Variants in CPNE2 observed in about 807,000 individuals in gnomAD.
CPNE2 encodes the protein copine 2.
CPNE2 carries 42 observed loss-of-function variants against 69.7 expected under a neutral mutation model. That is an observed-to-expected ratio of 0.60 (90% confidence interval 0.47 to 0.78). The LOEUF is 0.78. Ranked by LOEUF, CPNE2 falls within the 30% of genes least tolerant of loss-of-function variation. CPNE2 has a pLI of 0.00. For missense variants in CPNE2, 587 were observed against 732.0 expected (o/e 0.80, Z 2.29); for synonymous variants, 294 against 289.8 (o/e 1.01, Z -0.15).
At chr16:57,134,660 G>A (rs577441667) in intron 12 of CPNE2, 115 bp from the exon 13 acceptor site, 3 of 1,058,288 alleles carry the variant, frequency 2.8e-6, no homozygotes, top group East Asian at 4.8e-5. Context: ...GGAGGGTAGG[G>A]GTGGGGGTTA....
At chr16:57,110,944 G>A in intron 2 of CPNE2, 22 bp downstream of exon 2, 1 of 1,604,350 alleles carries the variant, frequency 6.2e-7, no homozygotes, top group Non-Finnish European at 8.5e-7. Flanking sequence ...CCGTGTGTCT[G>A]CGGTGGGTAA....
intron 12 of CPNE2, among the ~76,000 whole-genome samples, chr16:57,132,650 C>T (rs1369986499): frequency 6.6e-6 from 1 of 152,186 alleles, no homozygotes; most frequent in Non-Finnish European, 1.5e-5. Flanking sequence ...GGCCCCTCAT[C>T]AGCTTCTGTG....
At chr16:57,129,932 C>A (rs2069825860) in intron 12 of CPNE2, among the ~76,000 whole-genome samples, 1 of 152,096 alleles carries the variant, frequency 6.6e-6, no homozygotes, top group African/African-American at 2.4e-5. Context: ...GATGAGATTG[C>A]TAGGGAGACA....
chr16:57,126,420 G>A (rs1432215129), intron 11 of CPNE2, among the ~76,000 whole-genome samples: 5 of 152,148 alleles, frequency 3.3e-5, no homozygotes, highest in African/African-American at 9.7e-5. Flanking sequence ...TAATGGTCTC[G>A]CTTCTATTGG....
At chr16:57,141,930 T>C (rs772586395) in intron 14 of CPNE2, 16 of 152,230 alleles carry the variant, frequency 1.1e-4, no homozygotes, top group Admixed American at 1.3e-4. Flanking sequence ...CCTGATGCTT[T>C]TGTCAGCCGT....
At chr16:57,112,217 T>C (rs1293702745) in intron 2 of CPNE2, among the ~76,000 whole-genome samples, 2 of 152,028 alleles carry the variant, frequency 1.3e-5, no homozygotes, top group African/African-American at 4.8e-5. Context: ...CCAGAGTGGG[T>C]AGGGACTTTT....
At chr16:57,094,056 C>A (rs754479974) in intron 1 of CPNE2, 1 of 456,672 alleles carries the variant, frequency 2.2e-6, no homozygotes, top group South Asian at 1.5e-5. Context: ...AGCATGAAGG[C>A]GTGGTTTTAT....
intron 1 of CPNE2, among the ~76,000 whole-genome samples, chr16:57,107,865 C>A (rs79181623): frequency 1.0e-5 from 1 of 98,788 alleles, no homozygotes; most frequent in East Asian, 2.8e-4. Context: ...ACAGAGCAAT[C>A]TTTTTTTTTT....
At chr16:57,097,591 A>G (rs2069585651) in intron 1 of CPNE2, among the ~76,000 whole-genome samples, 1 of 152,184 alleles carries the variant, frequency 6.6e-6, no homozygotes, top group African/African-American at 2.4e-5. Context: ...AACTGAGGCT[A>G]GAGAGGTTAG....
chr16:57,141,950 T>C (rs2069925391), intron 14 of CPNE2: 1 of 152,222 alleles, frequency 6.6e-6, no homozygotes, highest in South Asian at 2.1e-4. Context: ...TTTTTTAGTT[T>C]GGGGAAGAAT....
chr16:57,101,267 C>G (rs940871096), intron 1 of CPNE2, among the ~76,000 whole-genome samples: 1 of 152,168 alleles, frequency 6.6e-6, no homozygotes, highest in African/African-American at 2.4e-5. Flanking sequence ...AGATAGATAT[C>G]CTATTGGTTC....
intron 11 of CPNE2, among the ~76,000 whole-genome samples, chr16:57,127,509 C>T (rs2069808745): frequency 6.6e-6 from 1 of 152,182 alleles, no homozygotes; most frequent in Admixed American, 6.5e-5. Flanking sequence ...ACAGCCAGTA[C>T]ATTCATTCTA....
At chr16:57,110,589 C>G (rs1316426998) in intron 1 of CPNE2, 119 bp from the exon 2 acceptor site, 1 of 545,426 alleles carries the variant, frequency 1.8e-6, no homozygotes, top group Non-Finnish European at 3.1e-6. Context: ...GACAACCCGC[C>G]TCAATTTGCC....
At chr16:57,120,207 A>G (rs1162305713) in intron 7 of CPNE2, among the ~76,000 whole-genome samples, 1 of 151,200 alleles carries the variant, frequency 6.6e-6, no homozygotes, top group East Asian at 2.0e-4. Context: ...TGGGAGGCGG[A>G]GGTTGCAGAG....
At chr16:57,137,326 G>C in intron 14 of CPNE2, 44 bp downstream of exon 14, 1 of 1,609,000 alleles carries the variant, frequency 6.2e-7, no homozygotes, top group Non-Finnish European at 8.5e-7. Flanking sequence ...AAACACGCAC[G>C]TCCTCTGGGC....
chr16:57,140,525 T>G (rs2069913944), intron 14 of CPNE2, among the ~76,000 whole-genome samples: 1 of 151,844 alleles, frequency 6.6e-6, no homozygotes, highest in Non-Finnish European at 1.5e-5. Context: ...TGTGAGGACC[T>G]GGGTGCAGGC....
intron 1 of CPNE2, among the ~76,000 whole-genome samples, chr16:57,096,389 T>C (rs1339161751): frequency 6.6e-6 from 1 of 152,080 alleles, no homozygotes; most frequent in South Asian, 2.1e-4. Flanking sequence ...GTTGGGCATG[T>C]CTCTGAAAGA....
At position 57,117,569 on chromosome 16, in the gene CPNE2, T is replaced by C; in HGVS notation, c.507+2T>C. 1.2e-6 allele frequency: 2 copies of C among 1,613,282 alleles called. No homozygotes were observed. Among genetic ancestry groups the C allele is most frequent in the Non-Finnish European group, 8.5e-7 (1 of 1,179,736 alleles). ...GCGGGCAGGAGGCTGGACAAGAAGG[T>C]AAGGCGGGCAGAGGAAGGGCTCCCA... On this transcript the variant is annotated splice_donor_variant, in intron 5 of 15. Transcript: ENST00000290776. LOFTEE classifies it high-confidence loss of function.
At chr16:57,132,345 A>G (rs2069844032) in intron 12 of CPNE2, among the ~76,000 whole-genome samples, 1 of 152,186 alleles carries the variant, frequency 6.6e-6, no homozygotes, top group Non-Finnish European at 1.5e-5. Context: ...GAGGAACGGG[A>G]TCTGGGCAGA....
Sources: gnomAD v4.1 joint callset for allele counts (sites outside exome capture counted in the v4.1 genomes callset) on GRCh38, gnomAD v4.1.1 for gene constraint, MANE v1.5 for transcripts, NCBI Gene and HGNC (gene_info 2026-07-23, HGNC 2026-07-21) for gene names.